Variants in HERC1 observed in about 807,000 individuals in gnomAD.
The protein encoded by HERC1 is HECT and RLD domain containing E3 ubiquitin protein ligase family member 1.
Under a neutral mutation model 554.3 loss-of-function variants are expected in HERC1, and 160 were observed. That is an observed-to-expected ratio of 0.29 (90% CI 0.25 to 0.33). The LOEUF (loss-of-function observed/expected upper bound fraction) is 0.33, where lower values mean the gene tolerates loss of function less well. Ranked by LOEUF, HERC1 falls within the 10% of genes least tolerant of loss-of-function variation. The probability of loss-of-function intolerance (pLI) is 1.00; values close to 1 mark genes in which losing one functional copy is unlikely to be tolerated. For missense variants in HERC1, 4,919 were observed against 5,918.5 expected, an observed-to-expected ratio of 0.83 and a Z score of 5.54; for synonymous variants, 2,175 against 2,131.7, an observed-to-expected ratio of 1.02 and a Z score of -0.56.
rs1566982253 is a variant in HERC1, at chr15:63,659,747, A to G, written c.9413T>C (p.Leu3138Pro). The G allele has an allele frequency of 1.2e-6, 2 of 1,613,000 alleles. No individual in the cohort carries two copies. The highest frequency in any genetic ancestry group is 1.7e-6 in the Non-Finnish European group (2 of 1,178,986). Residue 3138 changes from leucine (L) to proline (P), a missense_variant, in exon 47 of 78, where the codon CTG becomes CCG. By Grantham distance (98) the Leu-to-Pro change is moderately conservative. Around this residue, in one of 11 missense-constraint regions of HERC1, gnomAD observed 1,963 missense variants for 2,228.6 expected, o/e 0.88. Coordinates refer to ENST00000443617, the MANE Select transcript of HERC1 (RefSeq NM_003922.4). ...GGATTTCAGTTTACCTATTTGCATC[A>G]GAGTCTCTTCCATACTGTTGGTGGC... ...VTATNSMEETLMQIGCHGSVE... is the reference protein window; with the variant it reads ...VTATNSMEETPMQIGCHGSVE...
chr15:63,611,198 A>G (rs1477434805), intron 77 of HERC1, among the ~76,000 whole-genome samples: 8 of 152,210 alleles, frequency 5.3e-5, no homozygotes, highest in Admixed American at 5.2e-4. Context: ...GCCCATTATG[A>G]CCAGAACATG....
chr15:63,750,207 TAAA>T (rs1330878628), intron 8 of HERC1, among the ~76,000 whole-genome samples: 3 of 152,212 alleles, frequency 2.0e-5, no homozygotes, highest in Non-Finnish European at 4.4e-5. Context: ...ATGGATTATA[TAAA>T]TCACAAAACT....
At chr15:63,764,991 A>AAAT (rs1424946167) in intron 2 of HERC1, among the ~76,000 whole-genome samples, 20 of 152,170 alleles carry the variant, frequency 1.3e-4, no homozygotes, top group Non-Finnish European at 7.3e-5. Flanking sequence ...TGTGAAAAGG[A>AAAT]AATAAAACCT....
intron 1 of HERC1, among the ~76,000 whole-genome samples, chr15:63,814,272 A>G (rs1479763399): frequency 3.9e-5 from 6 of 152,278 alleles, no homozygotes; most frequent in Admixed American, 3.3e-4. Flanking sequence ...ATTTTTTACA[A>G]CAAATATATT....
intron 50 of HERC1, among the ~76,000 whole-genome samples, chr15:63,655,003 T>C (rs1012439475): frequency 1.3e-5 from 2 of 152,224 alleles, no homozygotes; most frequent in Non-Finnish European, 2.9e-5. Context: ...TTGGCTTTTG[T>C]TGCTCAAAAG....
At chr15:63,617,158 C>T (rs184088011) in intron 74 of HERC1, among the ~76,000 whole-genome samples, 60 of 152,314 alleles carry the variant, frequency 3.9e-4, no homozygotes, top group African/African-American at 1.3e-3. Context: ...TATCCCTCCC[C>T]GCTCCCCTCA....
At chr15:63,621,772 T>G (rs1173340164) in intron 74 of HERC1, among the ~76,000 whole-genome samples, 1 of 152,256 alleles carries the variant, frequency 6.6e-6, no homozygotes, top group Admixed American at 6.5e-5. Context: ...TTTCTTCCAG[T>G]TGATCGAATC....
At chr15:63,622,699 A>C in intron 74 of HERC1, 116 bp downstream of exon 74, 1 of 663,636 alleles carries the variant, frequency 1.5e-6, no homozygotes. Flanking sequence ...TGAGGACTGA[A>C]GGGGATAATA....
chr15:63,775,183 A>C lies in HERC1; in HGVS notation c.441T>G (p.Ser147Arg). The change falls in exon 2 of 78, where the codon AGT (serine) becomes AGG (arginine). Residue 147 changes from serine to arginine, a missense_variant. Ser to Arg is a moderately radical substitution (Grantham distance 110, BLOSUM62 -1). Transcript: ENST00000443617. The surrounding 1 kb of genome is among the most constrained non-coding windows in gnomAD (Gnocchi z 4.0). ...SSGSADVHSV[S>R]ERPRSSTDAL... ...CATCAGTGCTTGACCGGGGGCGTTC[A>C]CTAACAGAATGGACATCTGCTGAAC... The C allele has an allele frequency of 6.2e-7, 1 of 1,614,056 alleles. No homozygotes were observed. Among genetic ancestry groups the C allele is most frequent in the Non-Finnish European group, 8.5e-7 (1 of 1,179,898 alleles).
At chr15:63,699,165 CAACA>C (rs1329472531) in intron 25 of HERC1, among the ~76,000 whole-genome samples, 169 bp from the exon 26 acceptor site, 10 of 152,100 alleles carry the variant, frequency 6.6e-5, no homozygotes, top group Non-Finnish European at 1.0e-4. Context: ...TTGGTAAAAA[CAACA>C]AACAAACAAA....
At chr15:63,698,036 C>T (rs1314294143) in intron 26 of HERC1, among the ~76,000 whole-genome samples, 1 of 152,178 alleles carries the variant, frequency 6.6e-6, no homozygotes, top group Non-Finnish European at 1.5e-5. Context: ...TAGCATTCAA[C>T]AGTGGGTCTT....
chr15:63,631,549 T>A (rs923769269), intron 68 of HERC1, among the ~76,000 whole-genome samples: 1 of 152,062 alleles, frequency 6.6e-6, no homozygotes, highest in Non-Finnish European at 1.5e-5. Flanking sequence ...TTTTTAATCT[T>A]TTTTTTTGAG....
At chr15:63,667,558 C>G (rs929586017) in intron 40 of HERC1, among the ~76,000 whole-genome samples, 1 of 151,920 alleles carries the variant, frequency 6.6e-6, no homozygotes, top group East Asian at 1.9e-4. Context: ...CTATCCAAAA[C>G]AAATAATAAT....
In HERC1 at chr15:63,636,123, C is replaced by G. The variant is rs781186508; in HGVS notation, c.12252G>C (p.Leu4084=). The change falls in exon 65 of 78, where the codon CTG becomes CTC. Residue 4084 remains leucine, a synonymous_variant. Transcript: ENST00000443617. Reference sequence around the variant, plus strand: ...GCCCATCAGAACCACAGGAAGTCACCAGCTGGGTCACCACAAAGCCTGGAA... The same window carrying G: ...GCCCATCAGAACCACAGGAAGTCACGAGCTGGGTCACCACAAAGCCTGGAA... ...SALQGFVVTQ[L]VTSCGSDGHS... is the part of the protein sequence containing the mutation. The G allele has an allele frequency of 1.4e-5, 23 of 1,613,704 alleles. No individual in the cohort carries two copies. The African/African-American group carries it at 2.4e-4, about 17-fold the overall frequency.
intron 74 of HERC1, among the ~76,000 whole-genome samples, chr15:63,618,574 A>G (rs996032112): frequency 1.3e-5 from 2 of 152,138 alleles, no homozygotes; most frequent in Non-Finnish European, 2.9e-5. Flanking sequence ...ATGGCATTGA[A>G]TCTATAAATT....
intron 1 of HERC1, among the ~76,000 whole-genome samples, chr15:63,786,276 TAAAAA>T (rs375937848): frequency 3.2e-5 from 4 of 126,280 alleles, no homozygotes; most frequent in African/African-American, 8.9e-5. Context: ...ATGTTTCTAT[TAAAAA>T]AAAAAAAAAA....
chr15:63,684,795 G>C (rs758475591), intron 34 of HERC1, among the ~76,000 whole-genome samples: 1 of 152,160 alleles, frequency 6.6e-6, no homozygotes, highest in Non-Finnish European at 1.5e-5. Context: ...ATCACCTGAG[G>C]TCAGGAGTTC....
chr15:63,637,015 T>G (rs1401276255), intron 64 of HERC1: 1 of 404,858 alleles, frequency 2.5e-6, no homozygotes, highest in Non-Finnish European at 4.9e-6. Context: ...GCTCTCTTTG[T>G]AGGCTTCAGA....
chr15:63,818,361 A>G (rs951590737), intron 1 of HERC1, among the ~76,000 whole-genome samples: 5 of 152,106 alleles, frequency 3.3e-5, no homozygotes, highest in African/African-American at 4.8e-5. Context: ...TGTGTACAAA[A>G]ACCCTTTCCT....
Sources: allele counts gnomAD v4.1 joint callset (sites outside exome capture counted in the v4.1 genomes callset), GRCh38; gene constraint gnomAD v4.1.1; regional missense constraint gnomAD v4.1.1; non-coding constraint Gnocchi (gnomAD v3.1); transcripts MANE v1.5; gene names NCBI Gene and HGNC (gene_info 2026-07-23, HGNC 2026-07-21).